The following CDC23 variants were observed in gnomAD, a reference collection of about 807,000 sequenced individuals.
CDC23 encodes cell division cycle protein 23 homolog.
Under a neutral mutation model 81.7 loss-of-function variants are expected in CDC23, and 26 were observed. The ratio of observed to expected loss-of-function variants is 0.32; its 90% CI spans 0.23 to 0.44. The LOEUF is 0.44. Ranked by LOEUF, CDC23 falls within the 20% of genes least tolerant of loss-of-function variation. The pLI, the probability that CDC23 is intolerant of heterozygous loss-of-function variation, is 1.00. For missense variants in CDC23, 519 were observed against 728.0 expected (o/e 0.71, Z 3.30); for synonymous variants, 267 against 270.8 (o/e 0.99, Z 0.14).
In CDC23 at chr5:138,198,606, T is replaced by C; in HGVS notation, c.831A>G (p.Arg277=). 1 of 1,614,060 alleles carries C rather than the reference T, an allele frequency of 6.2e-7. No homozygotes were observed. Among genetic ancestry groups the C allele is most frequent in the Admixed American group, 1.7e-5 (1 of 60,004 alleles). The part of the protein sequence containing the change: ...SQIAVAYHNI[R]DIDKALSIFN... The stretch of plus-strand genomic sequence containing the variant: ...ATTTCATTGTCTTTATTCACTCACC[T>C]CTGATATTGTGATAGGCAACTGCAA... Residue 277 remains arginine, a splice_region_variant and synonymous_variant, in exon 7 of 16, where the codon AGA becomes AGG. Coordinates refer to ENST00000394886, the MANE Select transcript of CDC23 (RefSeq NM_004661.4).
Position 138,201,168 on chromosome 5 carries a change from A to G in CDC23, c.593T>C (p.Val198Ala). Residue 198 changes from valine (V) to alanine (A), a missense_variant, in exon 6 of 16, where the codon GTT (valine) becomes GCT (alanine). Physicochemically the swap from Val to Ala is moderately conservative, Grantham distance 64 (BLOSUM62 0). This residue lies in a region of CDC23 where 180 missense variants were observed against 239.3 expected (regional missense o/e 0.75). Transcript: ENST00000394886. The stretch of plus-strand genomic sequence containing the variant: ...CCAGGCTCCCCAATGCAAGGGCAAA[A>G]CATGAGTAGCTTCCACAAACACATC... ...AIDVFVEATHVLPLHWGAWLE... is the reference protein window; with the variant it reads ...AIDVFVEATHALPLHWGAWLE... 6.2e-7 allele frequency: 1 copy of G among 1,614,198 alleles called. No homozygotes were observed.
intron 9 of CDC23, among the ~76,000 whole-genome samples, chr5:138,195,774 G>GTATATATACATATATTTTATATATGTGTA (rs1561634212): frequency 3.7e-5 from 4 of 108,896 alleles, no homozygotes; most frequent in African/African-American, 1.4e-4. Flanking sequence ...TTATATATGT[G>GTATATATACATATATTTTATATATGTGTA]TATATATACA....
chr5:138,196,246 A>G (rs1454520670), intron 9 of CDC23, among the ~76,000 whole-genome samples: 1 of 152,114 alleles, frequency 6.6e-6, no homozygotes, highest in East Asian at 1.9e-4. Context: ...TGATTATTAA[A>G]AGAAAGAAAA....
intron 9 of CDC23, among the ~76,000 whole-genome samples, chr5:138,196,848 G>GGGATTACA (rs963362375): frequency 4.0e-5 from 6 of 150,366 alleles, no homozygotes; most frequent in Non-Finnish European, 1.5e-5. Context: ...CCAAAGTGCT[G>GGGATTACA]GGATTACAGG....
chr5:138,189,619 G>A lies in CDC23; in HGVS notation c.1623+14C>T. The stretch of plus-strand genomic sequence containing the variant: ...CCTAAAATTCAAACCTTTTATTAAA[G>A]AACTGATACTCACATCATTAAATGC... On this transcript the variant is annotated intron_variant, in intron 15 of 15. Transcript: ENST00000394886. 2 of 1,604,848 alleles carry A rather than the reference G, an allele frequency of 1.2e-6. No homozygotes were observed. The highest frequency in any genetic ancestry group is 1.7e-6 in the Non-Finnish European group (2 of 1,175,714).
At chr5:138,194,752 G>GC (rs1754865028) in intron 9 of CDC23, among the ~76,000 whole-genome samples, 1 of 128,260 alleles carries the variant, frequency 7.8e-6, no homozygotes, top group Non-Finnish European at 1.6e-5. Flanking sequence ...ACAGAGTTTC[G>GC]CTCTTGTCGC....
chr5:138,193,820 T>C (rs1479670094), intron 9 of CDC23, among the ~76,000 whole-genome samples: 2 of 151,902 alleles, frequency 1.3e-5, no homozygotes, highest in African/African-American at 4.8e-5. Flanking sequence ...TAGCTGGGCA[T>C]GGTGGCACAT....
chr5:138,203,139 C>T (rs1165115009), intron 3 of CDC23, among the ~76,000 whole-genome samples: 1 of 151,504 alleles, frequency 6.6e-6, no homozygotes, highest in Non-Finnish European at 1.5e-5. Flanking sequence ...ATTCACATAC[C>T]AAGAATATGT....
chr5:138,189,288 A>T, intron 15 of CDC23, 140 bp from the exon 16 acceptor site: 1 of 737,704 alleles, frequency 1.4e-6, no homozygotes, highest in Non-Finnish European at 2.2e-6. Context: ...ATGGAGTCTC[A>T]CTGTGTCACC....
At chr5:138,212,896 A>T (rs939980753) in intron 2 of CDC23, 95 bp downstream of exon 2, 1 of 932,636 alleles carries the variant, frequency 1.1e-6, no homozygotes, top group African/African-American at 1.6e-5. Flanking sequence ...CATTTCTGCT[A>T]AGCAGTTTGC....
rs2906126 is a variant in CDC23 at position 138,197,389 on chromosome 5, G to A, written c.1012+810C>T. On this transcript the variant is annotated intron_variant, in intron 9 of 15. Transcript: ENST00000394886. ...TTAAATGTACTAACATGAAAAGATG[G>A]CAAAGATATATCATTAAGTTAAAAA... 4.3e-3 allele frequency among the ~76,000 whole-genome samples: 646 copies of A among 150,360 alleles called. 6 individuals carry two copies. The highest frequency in any genetic ancestry group is 6.7e-3 in the Non-Finnish European group (455 of 67,866).
intron 6 of CDC23, among the ~76,000 whole-genome samples, 191 bp from the exon 7 acceptor site, chr5:138,198,973 G>C (rs1163572735): frequency 1.3e-5 from 2 of 152,194 alleles, no homozygotes; most frequent in African/African-American, 4.8e-5. Flanking sequence ...CAGCCTAGTT[G>C]GGAAAGGCTC....
intron 13 of CDC23, among the ~76,000 whole-genome samples, chr5:138,191,073 T>C (rs1051334136): frequency 2.0e-5 from 3 of 152,226 alleles, no homozygotes; most frequent in Non-Finnish European, 4.4e-5. Context: ...CTTGCTTTAA[T>C]AGGAAAGCAA....
chr5:138,192,203 C>A, intron 11 of CDC23, 66 bp downstream of exon 11: 3 of 1,594,710 alleles, frequency 1.9e-6, no homozygotes, highest in South Asian at 1.1e-5. Context: ...CAATAGCTAT[C>A]AAAAGAGGAA....
At chr5:138,195,958 C>T (rs544339752) in intron 9 of CDC23, among the ~76,000 whole-genome samples, 8 of 150,460 alleles carry the variant, frequency 5.3e-5, no homozygotes, top group African/African-American at 1.7e-4. Context: ...GTAGGAGATT[C>T]TTGCCATCAC....
Position 138,192,651 on chromosome 5 carries a change from T to A in CDC23, c.1019A>T (p.Tyr340Phe). 2 of 1,600,548 alleles carry A rather than the reference T, an allele frequency of 1.2e-6. No homozygotes were observed. The highest frequency in any genetic ancestry group is 8.5e-7 in the Non-Finnish European group (1 of 1,176,606). The part of the protein sequence containing the change: ...RVETCCVIGN[Y>F]YSLRSQHEKA... ...CTCATGCTGAGAACGTAAACTGTAA[T>A]AATTGCCTGATTAAAAATCAAACAA... The change falls in exon 10 of 16, where the codon TAT becomes TTT. Residue 340 changes from tyrosine to phenylalanine, a missense_variant. By Grantham distance (22) the Tyr-to-Phe change is conservative (BLOSUM62 3). Coordinates refer to ENST00000394886, the MANE Select transcript of CDC23 (RefSeq NM_004661.4).
At chr5:138,209,862 T>A (rs1755094427) in intron 2 of CDC23, among the ~76,000 whole-genome samples, 1 of 151,264 alleles carries the variant, frequency 6.6e-6, no homozygotes. Context: ...ATAACAAACA[T>A]CTACTACGTA....
At chr5:138,206,427 G>T in intron 3 of CDC23, 120 bp downstream of exon 3, 3 of 950,458 alleles carry the variant, frequency 3.2e-6, no homozygotes, top group East Asian at 2.4e-5. Flanking sequence ...TTATTGCTAT[G>T]TATAAAGTAC....
chr5:138,199,173 G>C (rs1332376502), intron 6 of CDC23, among the ~76,000 whole-genome samples: 2 of 152,194 alleles, frequency 1.3e-5, no homozygotes, highest in Non-Finnish European at 2.9e-5. Context: ...CTATGTACTG[G>C]GAAGTAGCAG....
Sources: gnomAD v4.1 joint callset for allele counts (sites outside exome capture counted in the v4.1 genomes callset) on GRCh38, gnomAD v4.1.1 for gene constraint, gnomAD v4.1.1 regional missense constraint, MANE v1.5 for transcripts, NCBI Gene and HGNC (gene_info 2026-07-23, HGNC 2026-07-21) for gene names.